DUS2: variants seen among roughly 807,000 people sequenced by gnomAD.
The protein encoded by DUS2 is dihydrouridine synthase 2.
A neutral mutation model predicts 71.3 loss-of-function variants in DUS2; 52 were observed. The ratio of observed to expected loss-of-function variants is 0.73; its 90% confidence interval spans 0.58 to 0.92. DUS2 has a LOEUF of 0.92. Ranked by LOEUF, DUS2 falls within the 40% of genes least tolerant of loss-of-function variation. The pLI is 0.00. For synonymous variants in DUS2, 204 were observed against 227.8 expected, an observed-to-expected ratio of 0.90 and a Z score of 0.94; for missense variants, 558 against 622.6, an observed-to-expected ratio of 0.90 and a Z score of 1.10.
intron 2 of DUS2, chr16:68,026,875 G>GAAAAAAAAAA (rs397723152): frequency 1.3e-4 from 8 of 63,676 alleles, no homozygotes; most frequent in African/African-American, 4.8e-4. Context: ...GAGTCTATCT[G>GAAAAAAAAAA]AAAAAAAAAA....
At chr16:68,053,257 G>A (rs940500828) in intron 4 of DUS2, among the ~76,000 whole-genome samples, 1 of 152,164 alleles carries the variant, frequency 6.6e-6, no homozygotes, top group Admixed American at 6.5e-5. Context: ...CACCATACCC[G>A]GCCCGGTTTT....
chr16:68,036,761 T>C (rs1359100878), intron 2 of DUS2, among the ~76,000 whole-genome samples: 1 of 152,178 alleles, frequency 6.6e-6, no homozygotes, highest in Non-Finnish European at 1.5e-5. Context: ...TTTAACCACA[T>C]TGGCTTTCCT....
intron 10 of DUS2, 65 bp from the exon 11 acceptor site, chr16:68,070,069 A>G: frequency 6.9e-7 from 1 of 1,450,364 alleles, no homozygotes; most frequent in Non-Finnish European, 9.7e-7. Context: ...GGCTGAGGTA[A>G]CCCTGTGTGA....
In DUS2 at chr16:68,078,835, A is replaced by C. The variant is rs1273328021; in HGVS notation, c.1331A>C (p.Glu444Ala). Residue 444 changes from glutamate (E) to alanine (A), a missense_variant, in exon 17 of 17, where the codon GAG (glutamate) becomes GCG (alanine). Transcript: ENST00000565263. ...QGLPEGRLGE[E>A]SPSLHKRKRE... ...CTCCCTGAGGGTCGGCTGGGTGAGG[A>C]GAGCCCTTCCTTGCACAAGCGAAAG... The C allele has an allele frequency of 3.7e-6, 6 of 1,613,602 alleles. No homozygotes were observed. The highest frequency in any genetic ancestry group is 5.1e-6 in the Non-Finnish European group (6 of 1,179,872).
chr16:68,030,890 C>G (rs894097889), intron 2 of DUS2, among the ~76,000 whole-genome samples: 40 of 151,960 alleles, frequency 2.6e-4, no homozygotes, highest in African/African-American at 9.7e-4. Context: ...CCTTCCATCA[C>G]TCCTGGCTAG....
chr16:68,061,103 A>C lies in DUS2; in HGVS notation c.407A>C (p.Lys136Thr). The stretch of plus-strand genomic sequence containing the variant: ...GCTGCCCTGCTGTCAGACCCTGACA[A>C]GATTGAGAAGGTAAGTCCTCCACGA... ...MGAALLSDPDKIEKILSTLVK... is the reference protein window; with the variant it reads ...MGAALLSDPDTIEKILSTLVK... The change falls in exon 8 of 17, where the codon AAG (lysine) becomes ACG (threonine). Residue 136 changes from lysine to threonine, a missense_variant. Lys to Thr is a moderately conservative substitution (Grantham distance 78). Coordinates refer to ENST00000565263, the MANE Select transcript of DUS2 (RefSeq NM_017803.5). 7 of 1,614,124 alleles carry C rather than the reference A, an allele frequency of 4.3e-6. No individual in the cohort carries two copies. Among genetic ancestry groups the C allele is most frequent in the Non-Finnish European group, 5.9e-6 (7 of 1,179,992 alleles).
At position 68,066,636 on chromosome 16, in the gene DUS2, G is replaced by A. The variant is rs1214100202; in HGVS notation, c.554G>A (p.Arg185Lys). The A allele has an allele frequency of 5.0e-6, 8 of 1,613,942 alleles. No homozygotes were observed. Among genetic ancestry groups the A allele is most frequent in the Non-Finnish European group, 6.8e-6 (8 of 1,179,938 alleles). Reference protein sequence around the residue: ...TGIAAIAVHGRKREERPQHPV... With the variant: ...TGIAAIAVHGKKREERPQHPV... ...ATTGCTGCCATCGCAGTTCATGGGA[G>A]GTGAGTGGTCACCTTTCTAGTGACT... Residue 185 changes from arginine to lysine, a missense_variant and splice_region_variant, in exon 10 of 17, where the codon AGG becomes AAG. By Grantham distance (26) the Arg-to-Lys change is conservative (BLOSUM62 2). Transcript: ENST00000565263.
intron 7 of DUS2, among the ~76,000 whole-genome samples, chr16:68,060,255 T>C (rs1216385664): frequency 6.6e-6 from 1 of 152,148 alleles, no homozygotes; most frequent in African/African-American, 2.4e-5. Flanking sequence ...ATAAGTTTTA[T>C]ATAGCCCACT....
chr16:68,075,006 C>T (rs1901075878), intron 13 of DUS2, among the ~76,000 whole-genome samples: 1 of 152,174 alleles, frequency 6.6e-6, no homozygotes, highest in Non-Finnish European at 1.5e-5. Flanking sequence ...CTCCCATGGG[C>T]CCATGTGCTT....
At chr16:68,042,482 A>G (rs1422709682) in intron 3 of DUS2, among the ~76,000 whole-genome samples, 1 of 152,114 alleles carries the variant, frequency 6.6e-6, no homozygotes, top group East Asian at 1.9e-4. Flanking sequence ...CAATCCCACT[A>G]ACAGCACACA....
intron 3 of DUS2, among the ~76,000 whole-genome samples, chr16:68,044,118 A>G (rs992428442): frequency 6.6e-6 from 1 of 151,990 alleles, no homozygotes; most frequent in African/African-American, 2.4e-5. Context: ...AGGACACAAC[A>G]CAGTCTTGAT....
In DUS2 at chr16:68,038,790, C is replaced by T. The variant is rs147894214; in HGVS notation, c.126+641C>T. On this transcript the variant is annotated intron_variant, in intron 3 of 16. Coordinates refer to ENST00000565263, the MANE Select transcript of DUS2 (RefSeq NM_017803.5). ...AGAGGCTGGGCGTGGTAGCTCATGCCGTAATACTAGTACTTTGGGAGGCCA... is the reference window on the plus strand; with the variant it reads ...AGAGGCTGGGCGTGGTAGCTCATGCTGTAATACTAGTACTTTGGGAGGCCA... Among the ~76,000 whole-genome samples, 14 of 149,004 alleles carry T rather than the reference C, an allele frequency of 9.4e-5. No homozygotes were observed. The East Asian group carries it at 1.6e-3, about 17-fold the overall frequency.
intron 15 of DUS2, 112 bp downstream of exon 15, chr16:68,076,831 A>G (rs953937588): frequency 1.3e-5 from 11 of 831,512 alleles, no homozygotes; most frequent in African/African-American, 8.7e-5. Context: ...GTAGGCATGG[A>G]GAAGCTGCTG....
At chr16:68,056,986 AATAAATAT>A (rs903949911) in intron 7 of DUS2, among the ~76,000 whole-genome samples, 7 of 141,406 alleles carry the variant, frequency 5.0e-5, no homozygotes, top group Non-Finnish European at 1.1e-4. Flanking sequence ...AAATATATAC[AATAAATAT>A]ATAAATATAT....
At chr16:68,034,961 A>G (rs2033495821) in intron 2 of DUS2, among the ~76,000 whole-genome samples, 1 of 152,172 alleles carries the variant, frequency 6.6e-6, no homozygotes, top group African/African-American at 2.4e-5. Flanking sequence ...AGATTGCACC[A>G]CTGCACCACT....
chr16:68,061,164 A>G (rs775884124), intron 8 of DUS2, 51 bp downstream of exon 8: 1 of 1,566,418 alleles, frequency 6.4e-7, no homozygotes, highest in Non-Finnish European at 8.8e-7. Flanking sequence ...GCTCCAAACT[A>G]GAATTGTCTA....
At chr16:68,036,216 G>A (rs1449129613) in intron 2 of DUS2, among the ~76,000 whole-genome samples, 2 of 150,038 alleles carry the variant, frequency 1.3e-5, no homozygotes, top group African/African-American at 4.9e-5. Context: ...GCTGGAGTGC[G>A]GTGGCATGAG....
intron 2 of DUS2, 61 bp from the exon 3 acceptor site, chr16:68,037,945 G>C (rs192258237): frequency 6.5e-7 from 1 of 1,543,368 alleles, no homozygotes; most frequent in African/African-American, 1.4e-5. Context: ...GCCTGCTCTT[G>C]ATAACAGGAG....
intron 2 of DUS2, among the ~76,000 whole-genome samples, chr16:68,035,722 G>T (rs1298648731): frequency 2.6e-4 from 35 of 137,190 alleles, no homozygotes; most frequent in East Asian, 8.2e-4. Flanking sequence ...TTTTTTTTTG[G>T]TTTTTTTTTT....
Sources: allele counts gnomAD v4.1 joint callset (sites outside exome capture counted in the v4.1 genomes callset), GRCh38; gene constraint gnomAD v4.1.1; transcripts MANE v1.5; gene names NCBI Gene and HGNC (gene_info 2026-07-23, HGNC 2026-07-21).